The following MTUS2 variants were observed in gnomAD, a reference collection of about 807,000 sequenced individuals.
MTUS2 encodes the protein microtubule-associated tumor suppressor candidate 2.
MTUS2 carries 40 observed loss-of-function variants against 114.1 expected under a neutral mutation model. That is an observed-to-expected ratio of 0.35 (90% CI 0.27 to 0.46). The LOEUF is 0.46. MTUS2 is among the 20% of genes least tolerant of loss of function. MTUS2 has a pLI of 1.00. For missense variants in MTUS2, 1,679 were observed against 1,705.4 expected (o/e 0.98, Z 0.27); for synonymous variants, 688 against 672.0 (o/e 1.02, Z -0.37).
intron 2 of MTUS2, among the ~76,000 whole-genome samples, chr13:28,998,252 A>G: frequency 6.6e-6 from 1 of 152,214 alleles, no homozygotes. Flanking sequence ...GTTTCTGCCA[A>G]GAGATCAGCT....
intron 2 of MTUS2, among the ~76,000 whole-genome samples, chr13:28,963,283 G>A (rs935195898): frequency 2.0e-5 from 3 of 152,134 alleles, no homozygotes; most frequent in Non-Finnish European, 4.4e-5. Flanking sequence ...CCCTGGAGGC[G>A]GAAGTTGCAG....
chr13:28,891,682 A>G (rs1182555685), intron 2 of MTUS2, among the ~76,000 whole-genome samples: 1 of 151,866 alleles, frequency 6.6e-6, no homozygotes, highest in Non-Finnish European at 1.5e-5. Flanking sequence ...GGTGGAGACT[A>G]CCCTGACCAA....
At chr13:29,472,934 G>T (rs1210349775) in intron 9 of MTUS2, among the ~76,000 whole-genome samples, 1 of 152,114 alleles carries the variant, frequency 6.6e-6, no homozygotes, top group Non-Finnish European at 1.5e-5. Context: ...GTGACATTAA[G>T]GGTAATTTTT....
intron 1 of MTUS2, among the ~76,000 whole-genome samples, chr13:28,824,723 C>A (rs1357680254): frequency 1.3e-5 from 2 of 151,404 alleles, no homozygotes; most frequent in African/African-American, 4.9e-5. Flanking sequence ...TCTCCATAGG[C>A]CAGGCACTTT....
chr13:28,848,335 C>CT (rs1471353135), intron 2 of MTUS2, among the ~76,000 whole-genome samples: 1 of 152,160 alleles, frequency 6.6e-6, no homozygotes, highest in African/African-American at 2.4e-5. Context: ...TCCATCCTTC[C>CT]TAAGCCACTC....
intron 2 of MTUS2, among the ~76,000 whole-genome samples, chr13:28,970,424 C>T (rs956487568): frequency 4.6e-5 from 7 of 152,216 alleles, no homozygotes; most frequent in African/African-American, 1.4e-4. Flanking sequence ...TGAATAAAAT[C>T]TCACTGGAAC....
intron 5 of MTUS2, among the ~76,000 whole-genome samples, chr13:29,245,914 G>A (rs1318478760): frequency 1.3e-5 from 2 of 152,190 alleles, no homozygotes; most frequent in East Asian, 1.9e-4. Flanking sequence ...AGCCAGGATG[G>A]TCTTGATCTC....
intron 5 of MTUS2, among the ~76,000 whole-genome samples, chr13:29,268,865 G>A (rs1566101105): frequency 6.6e-6 from 1 of 152,010 alleles, no homozygotes; most frequent in East Asian, 1.9e-4. Flanking sequence ...GAGTAGCTGG[G>A]GCTACAGGTG....
chr13:28,919,227 C>G (rs939123706), intron 2 of MTUS2, among the ~76,000 whole-genome samples: 1 of 152,124 alleles, frequency 6.6e-6, no homozygotes, highest in South Asian at 2.1e-4. Context: ...TTGAATAACC[C>G]CCTTTAGCAT....
At chr13:29,371,552 T>A (rs1455794052) in intron 8 of MTUS2, among the ~76,000 whole-genome samples, 1 of 152,202 alleles carries the variant, frequency 6.6e-6, no homozygotes, top group Non-Finnish European at 1.5e-5. Flanking sequence ...GGTATTTTGA[T>A]ACCCATGTTA....
At chr13:28,851,719 A>C (rs1032402544) in intron 2 of MTUS2, among the ~76,000 whole-genome samples, 5 of 151,988 alleles carry the variant, frequency 3.3e-5, no homozygotes, top group African/African-American at 9.7e-5. Flanking sequence ...ATGAATGTGT[A>C]TGTTGAAGGG....
intron 5 of MTUS2, among the ~76,000 whole-genome samples, chr13:29,167,871 C>T (rs987396685): frequency 4.6e-5 from 7 of 152,086 alleles, no homozygotes; most frequent in East Asian, 1.9e-4. Flanking sequence ...GTAAAGGATA[C>T]GCAGATATTG....
At chr13:29,330,117 C>G (rs1041782608) in intron 7 of MTUS2, among the ~76,000 whole-genome samples, 1 of 152,152 alleles carries the variant, frequency 6.6e-6, no homozygotes, top group African/African-American at 2.4e-5. Context: ...CTGTTGTTTT[C>G]TGATTTTTTA....
At position 29,024,967 on chromosome 13, in the gene MTUS2, C is replaced by T. The variant is rs1886447509; in HGVS notation, c.269C>T (p.Ala90Val). 2 of 1,612,868 alleles carry T rather than the reference C, an allele frequency of 1.2e-6. No homozygotes were observed. The highest frequency in any genetic ancestry group is 1.7e-6 in the Non-Finnish European group (2 of 1,179,598). ...QLQGFGKGSQ[A>V]GSASLKDFRL... ...CAGGGCTTTGGGAAAGGCTCTCAGG[C>T]TGGCTCTGCCAGCCTGAAAGATTTT... is the stretch of plus-strand genomic sequence containing the variant. The change falls in exon 3 of 16, where the codon GCT (alanine) becomes GTT (valine). Residue 90 changes from alanine (A) to valine (V), a missense_variant. Physicochemically the swap from Ala to Val is moderately conservative, Grantham distance 64 (BLOSUM62 0). Coordinates refer to ENST00000612955, the MANE Select transcript of MTUS2 (RefSeq NM_001033602.4).
chr13:28,977,366 A>G (rs549384106), intron 2 of MTUS2, among the ~76,000 whole-genome samples: 9 of 152,232 alleles, frequency 5.9e-5, no homozygotes, highest in South Asian at 2.1e-4. Flanking sequence ...AATCTTTTCA[A>G]TGACCAGAAC....
chr13:29,097,079 A>G (rs975756871), intron 4 of MTUS2, among the ~76,000 whole-genome samples: 9 of 152,142 alleles, frequency 5.9e-5, no homozygotes, highest in Non-Finnish European at 5.9e-5. Context: ...CCATCCCAGG[A>G]AGATACTATA....
intron 5 of MTUS2, among the ~76,000 whole-genome samples, chr13:29,106,140 C>G (rs1038412436): frequency 2.6e-5 from 4 of 152,180 alleles, no homozygotes; most frequent in African/African-American, 7.2e-5. Context: ...ATCTGTATCT[C>G]TAGCTCCGAT....
At chr13:29,336,649 T>G (rs549888807) in intron 7 of MTUS2, among the ~76,000 whole-genome samples, 1 of 152,352 alleles carries the variant, frequency 6.6e-6, no homozygotes, top group South Asian at 2.1e-4. Context: ...AGTCTGTTCC[T>G]TAGCTGAGCT....
chr13:29,384,126 C>G (rs187441112), intron 8 of MTUS2, among the ~76,000 whole-genome samples: 2 of 152,286 alleles, frequency 1.3e-5, no homozygotes, highest in East Asian at 3.9e-4. Context: ...TTATAAAATA[C>G]TCTATTTCTG....
Sources: allele counts gnomAD v4.1 joint callset (sites outside exome capture counted in the v4.1 genomes callset), GRCh38; gene constraint gnomAD v4.1.1; transcripts MANE v1.5; gene names NCBI Gene and HGNC (gene_info 2026-07-23, HGNC 2026-07-21).